The following DMD variants were observed in gnomAD, a reference collection of about 807,000 sequenced individuals.
DMD encodes the protein dystrophin.
A neutral mutation model predicts 330.1 loss-of-function variants in DMD; 63 were observed. The ratio of observed to expected loss-of-function variants is 0.19; its 90% confidence interval spans 0.16 to 0.24. The LOEUF (loss-of-function observed/expected upper bound fraction) is 0.24, where lower values mean the gene tolerates loss of function less well. Among genes scored for constraint, DMD ranks in the 10% least tolerant of loss-of-function variants. The pLI, the probability that DMD is intolerant of heterozygous loss-of-function variation, is 1.00. For missense variants in DMD, 3,344 were observed against 2,684.1 expected (o/e 1.25, Z -5.43); for synonymous variants, 1,223 against 959.8 (o/e 1.27, Z -5.07).
chrX:31,987,634 A>G (rs1004555191), intron 44 of DMD, among the ~76,000 whole-genome samples: 2 of 112,358 alleles, frequency 1.8e-5, no homozygotes, highest in African/African-American at 6.5e-5. Context: ...CAAAACCACA[A>G]TGAGATATCA....
chrX:31,809,172 T>TATATAA (rs760258783), intron 50 of DMD, among the ~76,000 whole-genome samples: 11 of 105,117 alleles, frequency 1.0e-4, no homozygotes, highest in African/African-American at 3.7e-4. Context: ...TATGAGTTTA[T>TATATAA]ATATATATGA....
At position 32,518,101 on chromosome X, in the gene DMD, G is replaced by A. The variant is rs149882431; in HGVS notation, c.2199C>T (p.Ser733=). ...ACACAGCTTCTGAGCGAGTAATCCA[G>A]CTGTGAAGTTCAGTTATATCAACAT... is the stretch of plus-strand genomic sequence containing the variant. The part of the protein sequence containing the change: ...RLDVDITELH[S]WITRSEAVLQ... Residue 733 remains serine, a synonymous_variant, in exon 18 of 79, where the codon AGC becomes AGT. Transcript: ENST00000357033. 1.1e-4 allele frequency: 135 copies of A among 1,208,400 alleles called. 1 individual carries two copies. The African/African-American group carries it at 1.8e-3, about 16-fold the overall frequency.
chrX:32,040,532 G>GT (rs2095992247), intron 44 of DMD, among the ~76,000 whole-genome samples: 1 of 111,880 alleles, frequency 8.9e-6, no homozygotes, highest in Non-Finnish European at 1.9e-5. Flanking sequence ...TTAAGAATGA[G>GT]TTTTTCCTAG....
chrX:32,941,142 A>C (rs1346762401), intron 2 of DMD, among the ~76,000 whole-genome samples: 1 of 111,604 alleles, frequency 9.0e-6, no homozygotes, highest in Non-Finnish European at 1.9e-5. Flanking sequence ...TTAAAAACTC[A>C]AAAAACAACA....
chrX:32,598,735 A>AT (rs1055687626), intron 12 of DMD, among the ~76,000 whole-genome samples: 3 of 111,955 alleles, frequency 2.7e-5, no homozygotes, highest in African/African-American at 9.7e-5. Context: ...TGTTTCGTTC[A>AT]TCTATTTGTT....
chrX:32,933,772 G>A (rs866006091), intron 2 of DMD, among the ~76,000 whole-genome samples: 31 of 111,831 alleles, frequency 2.8e-4, no homozygotes, highest in African/African-American at 8.5e-4. Context: ...AATGAGACAC[G>A]TTGCCGGAAA....
chrX:33,139,087 T>C (rs2047662001), intron 1 of DMD, among the ~76,000 whole-genome samples: 1 of 110,171 alleles, frequency 9.1e-6, no homozygotes, highest in Non-Finnish European at 1.9e-5. Context: ...GATGGGCGGA[T>C]CACTTAAGGC....
intron 48 of DMD, among the ~76,000 whole-genome samples, chrX:31,842,860 C>T (rs1408484603): frequency 9.0e-6 from 1 of 111,359 alleles, no homozygotes; most frequent in Non-Finnish European, 1.9e-5. Flanking sequence ...AGTTTTTCAA[C>T]TCTTGCCCCT....
chrX:31,241,592 A>C (rs16989478), intron 63 of DMD, among the ~76,000 whole-genome samples: 13,899 of 111,143 alleles, frequency 0.13, 752 homozygotes, highest in Middle Eastern at 0.14. Flanking sequence ...CACGCCTTCA[A>C]ATTTTGAAGA....
chrX:31,588,453 C>A (rs1861698987), intron 55 of DMD, among the ~76,000 whole-genome samples: 1 of 111,626 alleles, frequency 9.0e-6, no homozygotes, highest in South Asian at 3.8e-4. Context: ...ACTTTTACAG[C>A]CAGGAAATTT....
intron 10 of DMD, among the ~76,000 whole-genome samples, chrX:32,644,590 T>C (rs953988686): frequency 9.9e-6 from 1 of 101,316 alleles, no homozygotes; most frequent in Non-Finnish European, 2.0e-5. Flanking sequence ...CGCAAGGGAG[T>C]TGAAGATGGA....
At chrX:32,804,521 G>A (rs902393936) in intron 7 of DMD, among the ~76,000 whole-genome samples, 3 of 112,612 alleles carry the variant, frequency 2.7e-5, no homozygotes, top group Admixed American at 9.3e-5. Flanking sequence ...CAGAGCACGT[G>A]AGGGAAGGGG....
At chrX:32,399,943 C>T (rs2098074232) in intron 30 of DMD, among the ~76,000 whole-genome samples, 1 of 111,473 alleles carries the variant, frequency 9.0e-6, no homozygotes, top group African/African-American at 3.3e-5. Flanking sequence ...ATTGAACACC[C>T]TTTATTTCCT....
At chrX:32,715,194 T>G (rs1317877964) in intron 7 of DMD, among the ~76,000 whole-genome samples, 1 of 111,252 alleles carries the variant, frequency 9.0e-6, no homozygotes, top group Non-Finnish European at 1.9e-5. Context: ...AAAGGAGATC[T>G]TGGGCCAGGC....
chrX:32,861,131 C>G (rs988844152), intron 2 of DMD, among the ~76,000 whole-genome samples: 3 of 111,884 alleles, frequency 2.7e-5, no homozygotes, highest in Non-Finnish European at 5.6e-5. Context: ...GAGCATGTAT[C>G]ATTACCTATG....
At chrX:31,770,215 C>CA (rs1348203758) in intron 51 of DMD, among the ~76,000 whole-genome samples, 2 of 112,384 alleles carry the variant, frequency 1.8e-5, no homozygotes, top group African/African-American at 6.5e-5. Context: ...TGCTTGCATC[C>CA]AGAGAGCTCT....
At chrX:33,210,860 T>C (rs1428926563) in intron 1 of DMD, among the ~76,000 whole-genome samples, 2 of 111,713 alleles carry the variant, frequency 1.8e-5, no homozygotes, top group African/African-American at 6.5e-5. Context: ...ATACAGTAGT[T>C]AGTTCAATTG....
chrX:32,591,777 A>C (rs1037845896), intron 13 of DMD, among the ~76,000 whole-genome samples: 1 of 112,720 alleles, frequency 8.9e-6, no homozygotes, highest in Non-Finnish European at 1.9e-5. Flanking sequence ...CCACCCAGCC[A>C]CAGCTCCGGA....
At chrX:31,928,802 C>T (rs947759666) in intron 47 of DMD, among the ~76,000 whole-genome samples, 4 of 111,215 alleles carry the variant, frequency 3.6e-5, no homozygotes, top group African/African-American at 1.3e-4. Flanking sequence ...TGAATTATAG[C>T]TCGGTAGGAT....
Sources: gnomAD v4.1 joint callset for allele counts (sites outside exome capture counted in the v4.1 genomes callset) on GRCh38, gnomAD v4.1.1 for gene constraint, MANE v1.5 for transcripts, NCBI Gene and HGNC (gene_info 2026-07-23, HGNC 2026-07-21) for gene names.